GDF11: variants seen among roughly 807,000 people sequenced by gnomAD.
GDF11 encodes the protein growth differentiation factor 11.
A neutral mutation model predicts 34.4 loss-of-function variants in GDF11; 12 were observed. The ratio of observed to expected loss-of-function variants is 0.35; its 90% CI spans 0.22 to 0.57. The LOEUF (loss-of-function observed/expected upper bound fraction) is 0.57. Ranked by LOEUF, GDF11 falls within the 20% of genes least tolerant of loss-of-function variation. The pLI is 0.86. For synonymous variants in GDF11, 212 were observed against 231.1 expected (o/e 0.92, Z 0.75); for missense variants, 346 against 548.2 (o/e 0.63, Z 3.68).
rs1420681474 is a variant in GDF11 at position 55,748,432 on chromosome 12, G to T, written c.446-154G>T. The stretch of plus-strand genomic sequence containing the variant: ...ATCCTAAAGAGGAAGTGCTGTTTTA[G>T]GTACCGGAGACATGGTATAAGATAG... On this transcript the variant is annotated intron_variant, in intron 1 of 2. Coordinates refer to ENST00000257868, the MANE Select transcript of GDF11 (RefSeq NM_005811.5). The surrounding 1 kb of genome is among the most constrained non-coding windows in gnomAD (Gnocchi z 5.6). Among the ~76,000 whole-genome samples, 1 of 152,178 alleles carries T rather than the reference G, an allele frequency of 6.6e-6. No homozygotes were observed. Among genetic ancestry groups the T allele is most frequent in the Non-Finnish European group, 1.5e-5 (1 of 68,034 alleles).
chr12:55,743,814 G>T, intron 1 of GDF11, 53 bp downstream of exon 1: 1 of 1,403,086 alleles, frequency 7.1e-7, no homozygotes, highest in Non-Finnish European at 9.5e-7. Flanking sequence ...GCCCCGCGAA[G>T]GGCGCCTTCT....
rs749974028 is a variant in GDF11, at chr12:55,756,919, C to T, written c.*7037C>T. The T allele has an allele frequency of 4.6e-5, 7 of 152,206 alleles. No homozygotes were observed. Among genetic ancestry groups the T allele is most frequent in the Non-Finnish European group, 1.0e-4 (7 of 68,044 alleles). 9.4% of individuals were successfully genotyped at this position (152,206 alleles called of 1,614,324 possible). A position where few individuals can be genotyped will look rare whatever the true frequency, so the allele number is the denominator to read the frequency against. ...TCCATTTTATCCAAGAAAAAGTCTGCATTATTAGCTAATAACAGAAGGCTA... is the reference window on the plus strand; with the variant it reads ...TCCATTTTATCCAAGAAAAAGTCTGTATTATTAGCTAATAACAGAAGGCTA... On this transcript the variant is annotated 3_prime_UTR_variant, in exon 3 of 3. Transcript: ENST00000257868.
At position 55,749,987 on chromosome 12, in the gene GDF11, T is replaced by A. The variant is rs918553650; in HGVS notation, c.*105T>A. Reference sequence around the variant, plus strand: ...GCTCCCTCCACTCTTCCCGCGAACATCACACCGTTCCCCGACCAAGCCGTG... The same window carrying A: ...GCTCCCTCCACTCTTCCCGCGAACAACACACCGTTCCCCGACCAAGCCGTG... On this transcript the variant is annotated 3_prime_UTR_variant, in exon 3 of 3. Transcript: ENST00000257868. The surrounding 1 kb of genome is among the most constrained non-coding windows in gnomAD (Gnocchi z 5.6). 1.5e-5 allele frequency: 15 copies of A among 982,466 alleles called. No individual in the cohort carries two copies. Among genetic ancestry groups the A allele is most frequent in the East Asian group, 9.7e-5 (4 of 41,156 alleles). The allele number at this position is 982,466 out of a possible 1,614,324, so 60.9% of individuals were successfully genotyped here. A position where few individuals can be genotyped will look rare whatever the true frequency, so the allele number is the denominator to read the frequency against.
chr12:55,754,437 TA>T lies in GDF11; in HGVS notation c.*4556del, dbSNP rs1162937964. The T allele has an allele frequency of 7.9e-5, 12 of 152,216 alleles. No individual in the cohort carries two copies. Among genetic ancestry groups the T allele is most frequent in the Non-Finnish European group, 1.6e-4 (11 of 68,042 alleles). The allele number at this position is 152,216 out of a possible 1,614,324, so 9.4% of individuals were successfully genotyped here. On this transcript the variant is annotated 3_prime_UTR_variant, in exon 3 of 3. Coordinates refer to ENST00000257868, the MANE Select transcript of GDF11 (RefSeq NM_005811.5). ...AGTGGCATCTACAGCTTCTGGTCTGTAGTGGCGTAGAAGCAGGAAAATCAAT... is the reference window on the plus strand; with the variant it reads ...AGTGGCATCTACAGCTTCTGGTCTGTGTGGCGTAGAAGCAGGAAAATCAAT...
rs1878298462 is a variant in GDF11, at chr12:55,750,898, CAA to C, written c.*1017_*1018del. ...CTGCTTATGCCCAAATTCCCTCAGC[CAA>C]GAGAGAGACCAAAGAGCCTCTGGAA... On this transcript the variant is annotated 3_prime_UTR_variant, in exon 3 of 3. Transcript: ENST00000257868. The C allele has an allele frequency of 6.6e-6, 1 of 152,196 alleles. No homozygotes were observed. The highest frequency in any genetic ancestry group is 2.4e-5 in the African/African-American group (1 of 41,438). 9.4% of individuals were successfully genotyped at this position (152,196 alleles called of 1,614,324 possible).
At position 55,756,937 on chromosome 12, in the gene GDF11, G is replaced by C. The variant is rs1878522815; in HGVS notation, c.*7055G>C. ...AAGTCTGCATTATTAGCTAATAACA[G>C]AAGGCTACTAATCACTGCCCTTGTA... On this transcript the variant is annotated 3_prime_UTR_variant, in exon 3 of 3. Coordinates refer to ENST00000257868, the MANE Select transcript of GDF11 (RefSeq NM_005811.5). The C allele has an allele frequency of 6.6e-6, 1 of 152,188 alleles. No homozygotes were observed. The highest frequency in any genetic ancestry group is 1.5e-5 in the Non-Finnish European group (1 of 68,042). 9.4% of individuals were successfully genotyped at this position (152,188 alleles called of 1,614,324 possible). A position where few individuals can be genotyped will look rare whatever the true frequency, so the allele number is the denominator to read the frequency against.
In GDF11 at chr12:55,755,178, T is replaced by C. The variant is rs1878467189; in HGVS notation, c.*5296T>C. 1 of 152,134 alleles carries C rather than the reference T, an allele frequency of 6.6e-6. No individual in the cohort carries two copies. The highest frequency in any genetic ancestry group is 1.5e-5 in the Non-Finnish European group (1 of 68,036). 9.4% of individuals were successfully genotyped at this position (152,134 alleles called of 1,614,324 possible). ...AGCAAAAAAGTTATCCTCCCTTAAG[T>C]TCCTCCCTCACTCCTCATATCAGAC... is the stretch of plus-strand genomic sequence containing the variant. On this transcript the variant is annotated 3_prime_UTR_variant, in exon 3 of 3. Transcript: ENST00000257868.
chr12:55,749,484 C>T lies in GDF11; in HGVS notation c.844-18C>T. The stretch of plus-strand genomic sequence containing the variant: ...TCAGGACCATATCACATTTCTTTCC[C>T]CTCTCCCTGACCCTCAGCATCCATT... On this transcript the variant is annotated intron_variant, in intron 2 of 2. Coordinates refer to ENST00000257868, the MANE Select transcript of GDF11 (RefSeq NM_005811.5). This position sits in a 1 kb window ranked among gnomAD's most constrained non-coding sequence, Gnocchi z 5.6. 1 of 1,592,324 alleles carries T rather than the reference C, an allele frequency of 6.3e-7. No individual in the cohort carries two copies. The highest frequency in any genetic ancestry group is 8.6e-7 in the Non-Finnish European group (1 of 1,166,276).
At position 55,753,194 on chromosome 12, in the gene GDF11, G is replaced by A. The variant is rs1396885140; in HGVS notation, c.*3312G>A. On this transcript the variant is annotated 3_prime_UTR_variant, in exon 3 of 3. Transcript: ENST00000257868. ...GAAGATCTAAAGGTTCTCTTGAGAT[G>A]ATCCAGCTAGTATGGAAGATCTAAA... 1 of 152,172 alleles carries A rather than the reference G, an allele frequency of 6.6e-6. No individual in the cohort carries two copies. The highest frequency in any genetic ancestry group is 1.5e-5 in the Non-Finnish European group (1 of 68,048). The allele number at this position is 152,172 out of a possible 1,614,324, so 9.4% of individuals were successfully genotyped here. A position where few individuals can be genotyped will look rare whatever the true frequency, so the allele number is the denominator to read the frequency against.
chr12:55,748,881 G>T lies in GDF11; in HGVS notation c.741G>T (p.Trp247Cys). 1 of 1,611,370 alleles carries T rather than the reference G, an allele frequency of 6.2e-7. No individual in the cohort carries two copies. Residue 247 changes from tryptophan (W) to cysteine (C), a missense_variant, in exon 2 of 3, where the codon TGG becomes TGT. This residue lies in a region of GDF11 where 205 missense variants were observed against 311.3 expected (regional missense o/e 0.66). Transcript: ENST00000257868. The surrounding 1 kb of genome is among the most constrained non-coding windows in gnomAD (Gnocchi z 5.6). ...ACTTCAAGCAAGTGCTACACAGCTG[G>T]TTCCGCCAGCCACAGAGCAACTGGG... ...SIDFKQVLHS[W>C]FRQPQSNWGI...
At position 55,751,255 on chromosome 12, in the gene GDF11, C is replaced by G. The variant is rs1436765686; in HGVS notation, c.*1373C>G. On this transcript the variant is annotated 3_prime_UTR_variant, in exon 3 of 3. Transcript: ENST00000257868. Reference sequence around the variant, plus strand: ...ACCTGGCAGCAGGGAGGGGAAAGTACAGTGGGGAAAAGCATCTGACAAGGC... The same window carrying G: ...ACCTGGCAGCAGGGAGGGGAAAGTAGAGTGGGGAAAAGCATCTGACAAGGC... 2 of 152,246 alleles carry G rather than the reference C, an allele frequency of 1.3e-5. No homozygotes were observed. The highest frequency in any genetic ancestry group is 2.4e-5 in the African/African-American group (1 of 41,414). 9.4% of individuals were successfully genotyped at this position (152,246 alleles called of 1,614,324 possible).
rs1370618499 is a variant in GDF11, at chr12:55,751,008, G to C, written c.*1126G>C. ...AGTCCCCTGGGTCTGGAAAGCGTTA[G>C]GAGAGGTCAAGAAAGGAGCAGTAAG... is the stretch of plus-strand genomic sequence containing the variant. On this transcript the variant is annotated 3_prime_UTR_variant, in exon 3 of 3. Transcript: ENST00000257868. 1 of 152,228 alleles carries C rather than the reference G, an allele frequency of 6.6e-6. No homozygotes were observed. 9.4% of individuals were successfully genotyped at this position (152,228 alleles called of 1,614,324 possible). A position where few individuals can be genotyped will look rare whatever the true frequency, so the allele number is the denominator to read the frequency against.
In GDF11 at chr12:55,743,421, G is replaced by GGCGGCGGCGGCGGCGGCA. The variant is rs1878105701; in HGVS notation, c.116_117insGGCGGCAGCGGCGGCGGC (p.Ala36_Ala41dup). On this transcript the variant is annotated inframe_insertion, in exon 1 of 3. Transcript: ENST00000257868. ...GCCCCGCGGCGGCGGCGGCGGCGGC[G>GGCGGCGGCGGCGGCGGCA]GCGGCGGCGGCAGCGGCGGGGGTCG... The GGCGGCGGCGGCGGCGGCA allele has an allele frequency of 9.4e-7, 1 of 1,059,498 alleles. No individual in the cohort carries two copies. Among genetic ancestry groups the GGCGGCGGCGGCGGCGGCA allele is most frequent in the Non-Finnish European group, 1.1e-6 (1 of 879,990 alleles). 65.6% of individuals were successfully genotyped at this position (1,059,498 alleles called of 1,614,324 possible).
At position 55,747,213 on chromosome 12, in the gene GDF11, T is replaced by C. The variant is rs192716203; in HGVS notation, c.446-1373T>C. Among the ~76,000 whole-genome samples, 227 of 152,116 alleles carry C rather than the reference T, an allele frequency of 1.5e-3. 1 individual carries two copies. The highest frequency in any genetic ancestry group is 5.2e-3 in the African/African-American group (216 of 41,472). On this transcript the variant is annotated intron_variant, in intron 1 of 2. Coordinates refer to ENST00000257868, the MANE Select transcript of GDF11 (RefSeq NM_005811.5). Reference sequence around the variant, plus strand: ...TTCTCACCCCCCAAACCCTACTCCATTGCACCATCACTGAAGCTCCAGCCA... The same window carrying C: ...TTCTCACCCCCCAAACCCTACTCCACTGCACCATCACTGAAGCTCCAGCCA...
chr12:55,744,832 G>A (rs1370630844), intron 1 of GDF11, among the ~76,000 whole-genome samples: 1 of 152,130 alleles, frequency 6.6e-6, no homozygotes, highest in East Asian at 1.9e-4. Flanking sequence ...GAAGACGGGG[G>A]AGACTGGTTT....
At chr12:55,744,160 GCTCT>G (rs1208782945) in intron 1 of GDF11, among the ~76,000 whole-genome samples, 1 of 152,184 alleles carries the variant, frequency 6.6e-6, no homozygotes, top group African/African-American at 2.4e-5. Flanking sequence ...GGACTGCAGT[GCTCT>G]CTGCTTCCCA....
Position 55,749,420 on chromosome 12 carries a change from C to A in GDF11, c.844-82C>A. The A allele has an allele frequency of 1.4e-6, 2 of 1,411,992 alleles. No homozygotes were observed. Among genetic ancestry groups the A allele is most frequent in the Admixed American group, 4.2e-5 (2 of 47,250 alleles). The allele number at this position is 1,411,992 out of a possible 1,614,324, so 87.5% of individuals were successfully genotyped here. ...GAAGTCAGCAGTCTCTATTCTGATG[C>A]CCCTGGCAGGTGGGAAAGGAACAGG... On this transcript the variant is annotated intron_variant, in intron 2 of 2. Coordinates refer to ENST00000257868, the MANE Select transcript of GDF11 (RefSeq NM_005811.5). The surrounding 1 kb of genome is among the most constrained non-coding windows in gnomAD (Gnocchi z 5.6).
At chr12:55,747,713 G>A (rs1011626113) in intron 1 of GDF11, among the ~76,000 whole-genome samples, 1 of 152,218 alleles carries the variant, frequency 6.6e-6, no homozygotes, top group African/African-American at 2.4e-5. Context: ...GGGTCAAAAT[G>A]TAAAGTTGGG....
chr12:55,749,989 A>ACACCGTTC lies in GDF11; in HGVS notation c.*109_*116dup. 1 of 979,478 alleles carries ACACCGTTC rather than the reference A, an allele frequency of 1.0e-6. No individual in the cohort carries two copies. Among genetic ancestry groups the ACACCGTTC allele is most frequent in the Middle Eastern group, 3.3e-4 (1 of 3,004 alleles). The allele number at this position is 979,478 out of a possible 1,614,324, so 60.7% of individuals were successfully genotyped here. On this transcript the variant is annotated 3_prime_UTR_variant, in exon 3 of 3. Transcript: ENST00000257868. The surrounding 1 kb of genome is among the most constrained non-coding windows in gnomAD (Gnocchi z 5.6). ...TCCCTCCACTCTTCCCGCGAACATCACACCGTTCCCCGACCAAGCCGTGTG... is the reference window on the plus strand; with the variant it reads ...TCCCTCCACTCTTCCCGCGAACATCACACCGTTCCACCGTTCCCCGACCAAGCCGTGTG...
Sources: gnomAD v4.1 joint callset for allele counts (sites outside exome capture counted in the v4.1 genomes callset) on GRCh38, gnomAD v4.1.1 for gene constraint, gnomAD v4.1.1 regional missense constraint, Gnocchi (gnomAD v3.1) non-coding constraint, MANE v1.5 for transcripts, NCBI Gene and HGNC (gene_info 2026-07-23, HGNC 2026-07-21) for gene names.